The following BUD31 variants were observed in gnomAD, a reference collection of about 807,000 sequenced individuals.
BUD31 encodes the protein protein BUD31 homolog.
In BUD31, 9 loss-of-function variants were observed where a neutral mutation model predicts 17.9. The ratio of observed to expected loss-of-function variants is 0.50; its 90% CI spans 0.30 to 0.88. The LOEUF is 0.88. Ranked by LOEUF, BUD31 falls within the 40% of genes least tolerant of loss-of-function variation. BUD31 has a pLI of 0.06. For synonymous variants in BUD31, 70 were observed against 64.7 expected, an observed-to-expected ratio of 1.08 and a Z score of -0.39; for missense variants, 148 against 184.5, an observed-to-expected ratio of 0.80 and a Z score of 1.15.
At chr7:99,411,497 C>A (rs1795182176) in intron 3 of BUD31, among the ~76,000 whole-genome samples, 1 of 152,028 alleles carries the variant, frequency 6.6e-6, no homozygotes, top group Non-Finnish European at 1.5e-5. Flanking sequence ...TATTTAAAAT[C>A]ATACAAAATA....
chr7:99,417,735 TG>T, intron 5 of BUD31, 140 bp downstream of exon 5: 1 of 1,535,968 alleles, frequency 6.5e-7, no homozygotes, highest in Non-Finnish European at 8.7e-7. Context: ...CTCGTGGGAG[TG>T]GGTCCCTGTA....
chr7:99,415,338 GAGAC>G (rs1795367181), intron 3 of BUD31: 12 of 442,186 alleles, frequency 2.7e-5, no homozygotes, highest in South Asian at 1.9e-4. Flanking sequence ...CAGAGAGAGA[GAGAC>G]AGCTTATGCC....
At chr7:99,414,980 A>C (rs1346425259) in intron 3 of BUD31, among the ~76,000 whole-genome samples, 1 of 152,140 alleles carries the variant, frequency 6.6e-6, no homozygotes, top group Non-Finnish European at 1.5e-5. Context: ...AACGTAGGAG[A>C]GTTCCAATTT....
chr7:99,416,003 C>G, intron 3 of BUD31, 135 bp from the exon 4 acceptor site: 3 of 1,249,216 alleles, frequency 2.4e-6, no homozygotes, highest in Non-Finnish European at 2.2e-6. Context: ...GCCTCGGCAC[C>G]TGGGTGGCTT....
chr7:99,415,189 A>G, intron 3 of BUD31: 1 of 453,390 alleles, frequency 2.2e-6, no homozygotes, highest in South Asian at 1.6e-5. Context: ...AGTGGCCCCA[A>G]ATGCCAGGCT....
intron 3 of BUD31, among the ~76,000 whole-genome samples, chr7:99,411,530 C>G (rs944591682): frequency 6.6e-6 from 1 of 151,946 alleles, no homozygotes. Flanking sequence ...AGTGCTATTC[C>G]TTTTCAGTAT....
chr7:99,419,342 G>A (rs1335274546), intron 5 of BUD31, 49 bp from the exon 6 acceptor site: 1 of 1,605,252 alleles, frequency 6.2e-7, no homozygotes, highest in Non-Finnish European at 8.5e-7. Context: ...GAGTGTGCAG[G>A]GGCGAGCGTG....
chr7:99,413,836 C>T (rs1200842183), intron 3 of BUD31, among the ~76,000 whole-genome samples: 1 of 152,254 alleles, frequency 6.6e-6, no homozygotes, highest in Non-Finnish European at 1.5e-5. Flanking sequence ...AAGTGATCCA[C>T]CCACCTCGGC....
intron 3 of BUD31, 191 bp downstream of exon 3, chr7:99,411,377 C>T: frequency 1.9e-6 from 1 of 531,598 alleles, no homozygotes; most frequent in Non-Finnish European, 3.3e-6. Context: ...AAAAGGTCCT[C>T]AGAAAAGGTG....
chr7:99,419,494 G>T lies in BUD31; in HGVS notation c.*53G>T. 6.3e-7 allele frequency: 1 copy of T among 1,598,278 alleles called. No homozygotes were observed. The highest frequency in any genetic ancestry group is 8.5e-7 in the Non-Finnish European group (1 of 1,172,582). ...GACTTCGCAGGTTCCTGCCTGTCAC[G>T]CCACCCCCTTCCTGGGAGCAGCGAG... On this transcript the variant is annotated 3_prime_UTR_variant, in exon 6 of 6. Transcript: ENST00000222969.
rs370300512 is a variant in BUD31, at chr7:99,417,337, GC to G, written c.218-90del. On this transcript the variant is annotated intron_variant, in intron 4 of 5. Transcript: ENST00000222969. ...CAAAGTGCTGGGATTACAGGTGTGA[GC>G]CACTGCACCCGGCCTGAATGCTTTT... 39 of 1,328,902 alleles carry G rather than the reference GC, an allele frequency of 2.9e-5. No homozygotes were observed. The African/African-American group carries it at 4.9e-4, about 17-fold the overall frequency. 82.3% of individuals were successfully genotyped at this position (1,328,902 alleles called of 1,614,324 possible).
At chr7:99,410,925 A>T (rs1795155304) in intron 2 of BUD31, 139 bp from the exon 3 acceptor site, 1 of 604,054 alleles carries the variant, frequency 1.7e-6, no homozygotes, top group Admixed American at 2.9e-5. Context: ...CCAGGATTTG[A>T]ACACAGTCTG....
At position 99,409,558 on chromosome 7, in the gene BUD31, A is replaced by G. The variant is rs145424443; in HGVS notation, c.-166+313A>G. 6.2e-4 allele frequency among the ~76,000 whole-genome samples: 94 copies of G among 152,088 alleles called. 1 individual carries two copies. The East Asian group carries it at 0.017, about 28-fold the overall frequency. ...AAAAGCGATCATTCTCTTGTCACAG[A>G]CTATGCGCCTTGGGGCCGAGACCAG... On this transcript the variant is annotated intron_variant, in intron 1 of 5. Coordinates refer to ENST00000222969, the MANE Select transcript of BUD31 (RefSeq NM_003910.4).
intron 4 of BUD31, chr7:99,416,717 C>CTTTTTTTTTTTTTT (rs59301509): frequency 1.0e-5 from 1 of 98,878 alleles, no homozygotes; most frequent in African/African-American, 4.3e-5. Flanking sequence ...CCGCTCTTGG[C>CTTTTTTTTTTTTTT]TTTTTTTTTT....
At chr7:99,411,672 T>A (rs566111362) in intron 3 of BUD31, 2 of 456,008 alleles carry the variant, frequency 4.4e-6, no homozygotes, top group East Asian at 7.0e-5. Context: ...GTTGGCCTTA[T>A]ATGATCACAG....
chr7:99,419,360 G>A (rs973186102), intron 5 of BUD31, 31 bp from the exon 6 acceptor site: 1 of 1,611,946 alleles, frequency 6.2e-7, no homozygotes, highest in Admixed American at 1.7e-5. Flanking sequence ...GTGGCGCAGT[G>A]GCATCGTCTC....
intron 3 of BUD31, among the ~76,000 whole-genome samples, chr7:99,413,298 A>AC (rs1795261155): frequency 6.6e-6 from 1 of 152,188 alleles, no homozygotes; most frequent in Non-Finnish European, 1.5e-5. Flanking sequence ...TGAACTTGTG[A>AC]CTGCTGAGAG....
chr7:99,419,415 T>G lies in BUD31; in HGVS notation c.409T>G (p.Cys137Gly). 1 of 1,613,150 alleles carries G rather than the reference T, an allele frequency of 6.2e-7. No individual in the cohort carries two copies. Among genetic ancestry groups the G allele is most frequent in the Non-Finnish European group, 8.5e-7 (1 of 1,180,004 alleles). The change falls in exon 6 of 6, where the codon TGT becomes GGT. Residue 137 changes from cysteine (C) to glycine (G), a missense_variant. Physicochemically the swap from Cys to Gly is radical, Grantham distance 159 (BLOSUM62 -3). Transcript: ENST00000222969. ...GGGCCGCATCATCGAGTGCACACAC[T>G]GTGGCTGTCGTGGCTGCTCTGGCTG... ...EVGRIIECTH[C>G]GCRGCSG
chr7:99,417,241 CG>C (rs1159329958), intron 4 of BUD31, 187 bp from the exon 5 acceptor site: 6 of 532,700 alleles, frequency 1.1e-5, no homozygotes, highest in African/African-American at 1.9e-5. Context: ...TTAGTAGAGA[CG>C]GGGTTTTACC....
Sources: gnomAD v4.1 joint callset for allele counts (sites outside exome capture counted in the v4.1 genomes callset) on GRCh38, gnomAD v4.1.1 for gene constraint, MANE v1.5 for transcripts, NCBI Gene and HGNC (gene_info 2026-07-23, HGNC 2026-07-21) for gene names.